The following APP variants were observed in gnomAD, a reference collection of about 807,000 sequenced individuals.
The protein encoded by APP is amyloid beta precursor protein.
In APP, 31 loss-of-function variants were observed where a neutral mutation model predicts 101.4. The observed-to-expected ratio is 0.31, with a 90% CI of 0.23 to 0.41. The LOEUF is 0.41. APP is among the 10% of genes least tolerant of loss of function. The pLI, the probability that APP is intolerant of heterozygous loss-of-function variation, is 1.00. For synonymous variants in APP, 366 were observed against 364.4 expected (o/e 1.00, Z -0.05); for missense variants, 839 against 1,003.7 (o/e 0.84, Z 2.22).
chr21:25,942,273 C>T (rs2040606624), intron 13 of APP: 2 of 152,212 alleles, frequency 1.3e-5, no homozygotes, highest in African/African-American at 4.8e-5. Flanking sequence ...TTTTGTTTAA[C>T]TTGGCAACAG....
At chr21:25,885,443 T>G (rs2037260991) in intron 17 of APP, among the ~76,000 whole-genome samples, 1 of 152,206 alleles carries the variant, frequency 6.6e-6, no homozygotes, top group Non-Finnish European at 1.5e-5. Context: ...CTGGAAGGAA[T>G]GATAAGACAA....
intron 13 of APP, among the ~76,000 whole-genome samples, chr21:25,952,874 T>C (rs912895550): frequency 7.9e-5 from 12 of 152,212 alleles, no homozygotes; most frequent in African/African-American, 1.4e-4. Flanking sequence ...ATTTAATACA[T>C]AGTATTTTAA....
chr21:25,972,894 C>G (rs559962016), intron 11 of APP, among the ~76,000 whole-genome samples: 43 of 151,666 alleles, frequency 2.8e-4, no homozygotes, highest in African/African-American at 8.7e-4. Flanking sequence ...AGTATGACAA[C>G]AACCGCTTAC....
intron 13 of APP, among the ~76,000 whole-genome samples, chr21:25,954,205 TG>T (rs1252460761): frequency 5.9e-5 from 9 of 152,216 alleles, no homozygotes; most frequent in Non-Finnish European, 1.0e-4. Flanking sequence ...ATTTGTAAGA[TG>T]GAACAATCGT....
At chr21:26,054,485 G>C (rs1388725276) in intron 3 of APP, among the ~76,000 whole-genome samples, 1 of 152,162 alleles carries the variant, frequency 6.6e-6, no homozygotes, top group Non-Finnish European at 1.5e-5. Flanking sequence ...CAGCCCATCT[G>C]GATATGGGTG....
At position 25,881,472 on chromosome 21, in the gene APP, GAGAT is replaced by G. The variant is rs1216239655; in HGVS notation, c.*194_*197del. 43 of 654,638 alleles carry G rather than the reference GAGAT, an allele frequency of 6.6e-5. No homozygotes were observed. The East Asian group carries it at 7.4e-4, about 11-fold the overall frequency. The allele number at this position is 654,638 out of a possible 1,614,324, so 40.6% of individuals were successfully genotyped here. On this transcript the variant is annotated 3_prime_UTR_variant, in exon 18 of 18. Transcript: ENST00000346798. ...TAGTATAGAGACCAAAATGTAAAGA[GAGAT>G]AGAATACATTACTGATGTGTGGATT...
chr21:26,059,752 G>A (rs980035133), intron 3 of APP, among the ~76,000 whole-genome samples: 19 of 151,970 alleles, frequency 1.3e-4, no homozygotes, highest in African/African-American at 4.1e-4. Context: ...TTAGCCAGGC[G>A]TGGTGGTGCA....
At chr21:25,906,525 G>T (rs2038798799) in intron 14 of APP, among the ~76,000 whole-genome samples, 1 of 152,222 alleles carries the variant, frequency 6.6e-6, no homozygotes, top group Admixed American at 6.5e-5. Context: ...AATATCCTAT[G>T]ATTAAATATT....
At chr21:25,968,892 T>A (rs1000319197) in intron 11 of APP, among the ~76,000 whole-genome samples, 2 of 152,178 alleles carry the variant, frequency 1.3e-5, no homozygotes. Flanking sequence ...TATATTCAAA[T>A]ACCATTTACT....
intron 8 of APP, among the ~76,000 whole-genome samples, chr21:25,991,379 C>CT (rs1023557206): frequency 6.6e-6 from 1 of 151,810 alleles, no homozygotes; most frequent in East Asian, 1.9e-4. Context: ...TGCTGGCTAC[C>CT]TTTTTTTTCC....
chr21:26,048,206 C>T (rs2045690711), intron 5 of APP, among the ~76,000 whole-genome samples: 1 of 151,946 alleles, frequency 6.6e-6, no homozygotes, highest in African/African-American at 2.4e-5. Flanking sequence ...GTCTGTAATC[C>T]CAGCTACTTA....
intron 1 of APP, among the ~76,000 whole-genome samples, chr21:26,137,182 C>G (rs1220678520): frequency 6.6e-6 from 1 of 152,196 alleles, no homozygotes; most frequent in Non-Finnish European, 1.5e-5. Flanking sequence ...CCCACCTCGG[C>G]CTCCCAAAGT....
At chr21:26,126,749 G>C (rs1227588578) in intron 1 of APP, among the ~76,000 whole-genome samples, 1 of 152,078 alleles carries the variant, frequency 6.6e-6, no homozygotes, top group East Asian at 1.9e-4. Context: ...CAAAATGTCA[G>C]TAATTCCCAG....
chr21:25,906,554 C>T (rs529290279), intron 14 of APP, among the ~76,000 whole-genome samples: 2 of 152,294 alleles, frequency 1.3e-5, no homozygotes, highest in East Asian at 1.9e-4. Context: ...ACTACTGATG[C>T]GAGAGTGACT....
intron 1 of APP, among the ~76,000 whole-genome samples, chr21:26,168,659 A>G (rs1040772511): frequency 2.6e-5 from 4 of 152,246 alleles, no homozygotes; most frequent in African/African-American, 9.6e-5. Flanking sequence ...CCTTAAATGT[A>G]TGGTTTTTAA....
intron 1 of APP, among the ~76,000 whole-genome samples, chr21:26,157,017 T>C (rs1278225632): frequency 6.6e-6 from 1 of 152,204 alleles, no homozygotes; most frequent in Non-Finnish European, 1.5e-5. Flanking sequence ...ATAATTTTCC[T>C]GACAGTTTAA....
At chr21:25,897,159 C>T (rs923174157) in intron 16 of APP, among the ~76,000 whole-genome samples, 2 of 151,622 alleles carry the variant, frequency 1.3e-5, no homozygotes, top group African/African-American at 2.4e-5. Flanking sequence ...TGGAGTCTCG[C>T]TCTGTCGCCT....
chr21:25,984,076 G>A (rs1384105412), intron 8 of APP, among the ~76,000 whole-genome samples: 1 of 152,128 alleles, frequency 6.6e-6, no homozygotes, highest in Non-Finnish European at 1.5e-5. Flanking sequence ...GGCAGAGAGG[G>A]TGACACACAG....
At chr21:26,010,666 A>AAAT (rs1555844891) in intron 6 of APP, among the ~76,000 whole-genome samples, 4 of 151,088 alleles carry the variant, frequency 2.6e-5, no homozygotes, top group African/African-American at 9.7e-5. Flanking sequence ...AAAAAAAAAA[A>AAAT]ATATATTAGC....
Sources: allele counts gnomAD v4.1 joint callset (sites outside exome capture counted in the v4.1 genomes callset), GRCh38; gene constraint gnomAD v4.1.1; transcripts MANE v1.5; gene names NCBI Gene and HGNC (gene_info 2026-07-23, HGNC 2026-07-21).